CCSER2: variants seen among roughly 807,000 people sequenced by gnomAD.
CCSER2 encodes the protein coiled-coil serine rich protein 2.
Under a neutral mutation model 92.3 loss-of-function variants are expected in CCSER2, and 46 were observed. The ratio of observed to expected loss-of-function variants is 0.50; its 90% CI spans 0.39 to 0.64. The LOEUF is 0.64. Among genes scored for constraint, CCSER2 ranks in the 30% least tolerant of loss-of-function variants. The probability of loss-of-function intolerance (pLI) is 0.00; values close to 1 mark genes in which losing one functional copy is unlikely to be tolerated. For synonymous variants in CCSER2, 433 were observed against 431.4 expected, an observed-to-expected ratio of 1.00 and a Z score of -0.04; for missense variants, 1,244 against 1,238.9, an observed-to-expected ratio of 1.00 and a Z score of -0.06.
Position 84,514,175 on chromosome 10 carries a change from G to A in CCSER2, c.3052G>A (p.Glu1018Lys). 1 of 1,536,334 alleles carries A rather than the reference G, an allele frequency of 6.5e-7. No individual in the cohort carries two copies. The highest frequency in any genetic ancestry group is 8.7e-7 in the Non-Finnish European group (1 of 1,146,976). ...SIPRPLTQRK[E>K]IMQNPNGNLH... ...CCCAAGGCCACTAACACAACGAAAA[G>A]AAATCATGCAGAATCCAAATGGCAA... is the stretch of plus-strand genomic sequence containing the variant. Residue 1018 changes from glutamate to lysine, a missense_variant, in exon 10 of 10, where the codon GAA (glutamate) becomes AAA (lysine). Physicochemically the swap from Glu to Lys is moderately conservative, Grantham distance 56. Transcript: ENST00000372088.
At chr10:84,442,491 A>G (rs1018757682) in intron 6 of CCSER2, among the ~76,000 whole-genome samples, 1 of 152,210 alleles carries the variant, frequency 6.6e-6, no homozygotes, top group Admixed American at 6.5e-5. Flanking sequence ...ATCTATATCT[A>G]CATCTGTATA....
intron 3 of CCSER2, among the ~76,000 whole-genome samples, chr10:84,408,239 C>T (rs1589577117): frequency 2.0e-5 from 3 of 151,982 alleles, no homozygotes; most frequent in Admixed American, 2.0e-4. Flanking sequence ...CAGTTTATCA[C>T]CTGCCAGATA....
intron 9 of CCSER2, among the ~76,000 whole-genome samples, chr10:84,486,644 C>T (rs1847826092): frequency 6.6e-6 from 1 of 152,112 alleles, no homozygotes; most frequent in Non-Finnish European, 1.5e-5. Flanking sequence ...TGGATATTAG[C>T]CCTTTGTCAG....
At chr10:84,364,777 T>C (rs1184514846) in intron 1 of CCSER2, among the ~76,000 whole-genome samples, 1 of 149,694 alleles carries the variant, frequency 6.7e-6, no homozygotes, top group African/African-American at 2.4e-5. Context: ...AGTCTGGCTC[T>C]TTTGTCCAGG....
In CCSER2 at chr10:84,386,675, G is replaced by A. The variant is rs1488634229; in HGVS notation, c.1614+12860G>A. On this transcript the variant is annotated intron_variant, in intron 3 of 9. Transcript: ENST00000372088. Reference sequence around the variant, plus strand: ...AGGCTGCAATGGCGGAGGCTGCGGTGCGCTGAGATTATGTCACTGCACTCC... The same window carrying A: ...AGGCTGCAATGGCGGAGGCTGCGGTACGCTGAGATTATGTCACTGCACTCC... Among the ~76,000 whole-genome samples the A allele has an allele frequency of 2.0e-5, 3 of 152,206 alleles. No individual in the cohort carries two copies. The South Asian group carries it at 6.2e-4, about 31-fold the overall frequency.
chr10:84,494,207 C>T (rs1848322258), intron 9 of CCSER2, among the ~76,000 whole-genome samples: 1 of 152,122 alleles, frequency 6.6e-6, no homozygotes, highest in Admixed American at 6.5e-5. Context: ...GGGTTGGAGA[C>T]CCATGATGTA....
chr10:84,400,993 A>C (rs1026936737), intron 3 of CCSER2, among the ~76,000 whole-genome samples: 1 of 152,186 alleles, frequency 6.6e-6, no homozygotes, highest in African/African-American at 2.4e-5. Context: ...AGGCTGAGGC[A>C]GGCAGATCGC....
At chr10:84,509,527 A>G (rs1849241393) in intron 9 of CCSER2, among the ~76,000 whole-genome samples, 1 of 152,192 alleles carries the variant, frequency 6.6e-6, no homozygotes, top group South Asian at 2.1e-4. Context: ...TATTGCTGAC[A>G]TTATTGAACT....
intron 5 of CCSER2, among the ~76,000 whole-genome samples, chr10:84,429,033 G>T: frequency 7.0e-6 from 1 of 143,738 alleles, no homozygotes; most frequent in African/African-American, 2.7e-5. Flanking sequence ...AAGAAATACT[G>T]GTCTGTAGTT....
At chr10:84,490,753 C>G (rs562152001) in intron 9 of CCSER2, among the ~76,000 whole-genome samples, 1 of 152,250 alleles carries the variant, frequency 6.6e-6, no homozygotes, top group Non-Finnish European at 1.5e-5. Context: ...CGAAGTCATT[C>G]TCCGTCCAGC....
At chr10:84,496,109 CAT>C (rs1159873350) in intron 9 of CCSER2, among the ~76,000 whole-genome samples, 4 of 151,984 alleles carry the variant, frequency 2.6e-5, no homozygotes, top group Admixed American at 2.6e-4. Context: ...TTCACACACA[CAT>C]ACATATATAT....
intron 9 of CCSER2, among the ~76,000 whole-genome samples, chr10:84,488,728 G>A (rs936008236): frequency 3.3e-5 from 5 of 151,976 alleles, no homozygotes; most frequent in African/African-American, 1.2e-4. Context: ...GATTTTTTGT[G>A]TCTATTTCCT....
At chr10:84,348,343 T>G (rs1046366921) in intron 1 of CCSER2, among the ~76,000 whole-genome samples, 1 of 152,142 alleles carries the variant, frequency 6.6e-6, no homozygotes, top group African/African-American at 2.4e-5. Flanking sequence ...TCGCAGGCAC[T>G]CGGCAGGCTG....
intron 1 of CCSER2, among the ~76,000 whole-genome samples, chr10:84,349,388 A>G (rs191023503): frequency 2.6e-5 from 4 of 152,174 alleles, no homozygotes; most frequent in African/African-American, 9.6e-5. Context: ...AAACCCATCT[A>G]TTGGCTGGGT....
rs141366541 is a variant in CCSER2 at position 84,477,281 on chromosome 10, C to T, written c.2236-294C>T. On this transcript the variant is annotated intron_variant, in intron 8 of 9. Transcript: ENST00000372088. Reference sequence around the variant, plus strand: ...TTACAGGCTGACTCTCAAACCCACTCCCTGAATAAGATGAGAGACCACTGA... The same window carrying T: ...TTACAGGCTGACTCTCAAACCCACTTCCTGAATAAGATGAGAGACCACTGA... Among the ~76,000 whole-genome samples the T allele has an allele frequency of 2.6e-3, 400 of 152,182 alleles. 2 individuals are homozygous for T. The highest frequency in any genetic ancestry group is 9.1e-3 in the African/African-American group (379 of 41,506).
chr10:84,371,065 A>G lies in CCSER2; in HGVS notation c.13A>G (p.Thr5Ala). The change falls in exon 2 of 10, where the codon ACA becomes GCA. Residue 5 changes from threonine to alanine, a missense_variant. Transcript: ENST00000372088. MEEK[T>A]QIKTFLGSKL... ...CACCTTATAGCTCATGGAAGAAAAA[A>G]CACAAATCAAGACATTTTTGGGTTC... 3.8e-6 allele frequency: 6 copies of G among 1,584,670 alleles called. No individual in the cohort carries two copies. The highest frequency in any genetic ancestry group is 5.1e-6 in the Non-Finnish European group (6 of 1,168,666).
intron 9 of CCSER2, among the ~76,000 whole-genome samples, chr10:84,485,715 C>G (rs1226136493): frequency 6.6e-6 from 1 of 152,144 alleles, no homozygotes; most frequent in East Asian, 1.9e-4. Flanking sequence ...CAGCATTTTT[C>G]AGTTTTCAGA....
At chr10:84,470,240 A>T (rs1846707082) in intron 7 of CCSER2, 132 bp from the exon 8 acceptor site, 1 of 436,598 alleles carries the variant, frequency 2.3e-6, no homozygotes, top group Non-Finnish European at 3.6e-6. Context: ...GAAATCTTAG[A>T]TTTTTTTTTA....
intron 3 of CCSER2, among the ~76,000 whole-genome samples, chr10:84,387,533 A>C (rs1258435519): frequency 6.8e-6 from 1 of 146,162 alleles, no homozygotes; most frequent in East Asian, 2.0e-4. Flanking sequence ...AGTAATTTTA[A>C]TTTTTTTTTT....
Sources: allele counts gnomAD v4.1 joint callset (sites outside exome capture counted in the v4.1 genomes callset), GRCh38; gene constraint gnomAD v4.1.1; transcripts MANE v1.5; gene names NCBI Gene and HGNC (gene_info 2026-07-23, HGNC 2026-07-21).